Variants in STAMBP observed in about 807,000 individuals in gnomAD.
STAMBP encodes STAM-binding protein.
Under a neutral mutation model 50.7 loss-of-function variants are expected in STAMBP, and 31 were observed. The ratio of observed to expected loss-of-function variants is 0.61; its 90% CI spans 0.46 to 0.83. STAMBP has a LOEUF of 0.83. Among genes scored for constraint, STAMBP ranks in the 40% least tolerant of loss-of-function variants. The pLI is 0.00. For synonymous variants in STAMBP, 211 were observed against 192.4 expected, an observed-to-expected ratio of 1.10 and a Z score of -0.80; for missense variants, 472 against 518.9, an observed-to-expected ratio of 0.91 and a Z score of 0.88.
rs201295576 is a variant in STAMBP at position 73,840,332 on chromosome 2, G to A, written c.204-4481G>A. 2.3e-4 allele frequency among the ~76,000 whole-genome samples: 24 copies of A among 105,872 alleles called. No homozygotes were observed. The East Asian group carries it at 6.6e-3, about 29-fold the overall frequency. 69.5% of individuals were successfully genotyped at this position (105,872 alleles called of 152,430 possible). On this transcript the variant is annotated intron_variant, in intron 2 of 9. Transcript: ENST00000394070. ...GGGTTTGTTTTTTTTTTTTTTTTCAGTTTTTTCTACTTTTTAAAACAATGC... is the reference window on the plus strand; with the variant it reads ...GGGTTTGTTTTTTTTTTTTTTTTCAATTTTTTCTACTTTTTAAAACAATGC...
chr2:73,834,357 G>A (rs1388041373), intron 2 of STAMBP, among the ~76,000 whole-genome samples: 5 of 140,332 alleles, frequency 3.6e-5, no homozygotes, highest in Non-Finnish European at 7.6e-5. Context: ...TTGATAACAT[G>A]GTCAGTTATC....
intron 4 of STAMBP, among the ~76,000 whole-genome samples, 179 bp downstream of exon 4, chr2:73,845,441 A>T (rs1273995361): frequency 2.0e-5 from 3 of 152,198 alleles, no homozygotes; most frequent in African/African-American, 7.2e-5. Flanking sequence ...TGTAACACAG[A>T]TATAGCCTAT....
At chr2:73,859,551 A>G (rs995706941) in intron 8 of STAMBP, among the ~76,000 whole-genome samples, 185 bp downstream of exon 8, 2 of 152,184 alleles carry the variant, frequency 1.3e-5, no homozygotes, top group African/African-American at 4.8e-5. Flanking sequence ...TGCTTGTTCA[A>G]AAAGATATCC....
At chr2:73,837,572 G>A (rs1236310490) in intron 2 of STAMBP, among the ~76,000 whole-genome samples, 7 of 104,066 alleles carry the variant, frequency 6.7e-5, no homozygotes, top group Admixed American at 3.0e-4. Flanking sequence ...GCAACAGAGC[G>A]AGACTCCATC....
At chr2:73,831,267 T>A (rs1417322779) in intron 2 of STAMBP, among the ~76,000 whole-genome samples, 1 of 152,242 alleles carries the variant, frequency 6.6e-6, no homozygotes, top group Non-Finnish European at 1.5e-5. Context: ...AGTAAGAGAT[T>A]TAGTTCTTTG....
chr2:73,849,000 A>G (rs1463967790), intron 5 of STAMBP, among the ~76,000 whole-genome samples: 1 of 152,194 alleles, frequency 6.6e-6, no homozygotes, highest in Non-Finnish European at 1.5e-5. Context: ...CATCATGGAG[A>G]ATAGGGTATC....
intron 2 of STAMBP, among the ~76,000 whole-genome samples, chr2:73,842,913 A>C (rs1675580327): frequency 6.6e-6 from 1 of 152,210 alleles, no homozygotes; most frequent in Non-Finnish European, 1.5e-5. Flanking sequence ...ATAAGAGCAT[A>C]AGTAAAAATA....
At chr2:73,838,324 A>G (rs1674976680) in intron 2 of STAMBP, among the ~76,000 whole-genome samples, 1 of 152,216 alleles carries the variant, frequency 6.6e-6, no homozygotes, top group Non-Finnish European at 1.5e-5. Flanking sequence ...ATTTACAAGA[A>G]CAGATGGCTA....
downstream of STAMBP, among the ~76,000 whole-genome samples, chr2:73,869,478 C>T (rs918036961): frequency 3.3e-5 from 5 of 152,024 alleles, no homozygotes; most frequent in African/African-American, 4.8e-5. Flanking sequence ...AATTTAAATG[C>T]AAGTCTGCTA....
chr2:73,851,587 G>T (rs35283510), intron 7 of STAMBP, among the ~76,000 whole-genome samples: 31,900 of 151,908 alleles, frequency 0.21, 3,527 homozygotes, highest in East Asian at 0.34. Context: ...TGGAGCACTG[G>T]GGGGACCAGT....
intron 2 of STAMBP, among the ~76,000 whole-genome samples, chr2:73,836,096 T>C (rs567074009): frequency 6.6e-6 from 1 of 152,372 alleles, no homozygotes; most frequent in South Asian, 2.1e-4. Context: ...TTTTTATATA[T>C]GTATATAATA....
At chr2:73,836,782 CCTGCCAGCAGAGGTGCATG>C (rs1310812716) in intron 2 of STAMBP, among the ~76,000 whole-genome samples, 1 of 152,198 alleles carries the variant, frequency 6.6e-6, no homozygotes, top group East Asian at 1.9e-4. Flanking sequence ...GGCTTGGCCT[CCTGCCAGCAGAGGTGCATG>C]CACACTGGGG....
At chr2:73,849,513 C>G (rs1489347019) in intron 6 of STAMBP, 26 bp downstream of exon 6, 3 of 1,567,170 alleles carry the variant, frequency 1.9e-6, no homozygotes, top group East Asian at 2.2e-5. Context: ...AAACCAAACT[C>G]TTCTCTGAAC....
At chr2:73,837,208 A>G (rs968401215) in intron 2 of STAMBP, among the ~76,000 whole-genome samples, 3 of 152,228 alleles carry the variant, frequency 2.0e-5, no homozygotes, top group African/African-American at 7.2e-5. Context: ...ACATCTCAAA[A>G]TAGCATCTAA....
At chr2:73,843,937 C>T (rs1675750729) in intron 2 of STAMBP, among the ~76,000 whole-genome samples, 1 of 152,200 alleles carries the variant, frequency 6.6e-6, no homozygotes. Context: ...CAGAATCCCT[C>T]CAGTAGTTCT....
At chr2:73,843,765 A>T (rs1457066943) in intron 2 of STAMBP, among the ~76,000 whole-genome samples, 4 of 152,208 alleles carry the variant, frequency 2.6e-5, no homozygotes, top group Non-Finnish European at 5.9e-5. Context: ...TTTATTGAGG[A>T]TTCTTCTTCC....
chr2:73,860,922 A>AT (rs1260687444), intron 9 of STAMBP, among the ~76,000 whole-genome samples: 4 of 152,230 alleles, frequency 2.6e-5, no homozygotes, highest in African/African-American at 9.7e-5. Context: ...GAGTTGAAGT[A>AT]TAAAAAAAGG....
At chr2:73,832,875 AGG>A (rs1490621327) in intron 2 of STAMBP, among the ~76,000 whole-genome samples, 4 of 152,206 alleles carry the variant, frequency 2.6e-5, no homozygotes, top group Admixed American at 1.3e-4. Context: ...TGGACTGTCT[AGG>A]ATTCATATTG....
At chr2:73,847,895 T>C (rs1676333974) in intron 5 of STAMBP, 142 bp downstream of exon 5, 4 of 1,118,130 alleles carry the variant, frequency 3.6e-6, no homozygotes, top group Non-Finnish European at 3.8e-6. Context: ...ATTGCTGTAC[T>C]GTGTCCTAAT....
Sources: gnomAD v4.1 joint callset for allele counts (sites outside exome capture counted in the v4.1 genomes callset) on GRCh38, gnomAD v4.1.1 for gene constraint, MANE v1.5 for transcripts, NCBI Gene and HGNC (gene_info 2026-07-23, HGNC 2026-07-21) for gene names.